Variants in STT3A observed in about 807,000 individuals in gnomAD.
STT3A encodes the protein dolichyl-diphosphooligosaccharide--protein glycosyltransferase subunit STT3A.
A neutral mutation model predicts 89.2 loss-of-function variants in STT3A; 34 were observed. The observed-to-expected ratio is 0.38, with a 90% CI of 0.29 to 0.51. The LOEUF (loss-of-function observed/expected upper bound fraction) is 0.51. Among genes scored for constraint, STT3A ranks in the 20% least tolerant of loss-of-function variants. The pLI is 0.89. For synonymous variants in STT3A, 282 were observed against 310.3 expected (o/e 0.91, Z 0.96); for missense variants, 555 against 889.5 (o/e 0.62, Z 4.78).
At chr11:125,609,785 G>A in intron 10 of STT3A, 196 bp downstream of exon 10, 1 of 488,236 alleles carries the variant, frequency 2.0e-6, no homozygotes, top group Non-Finnish European at 3.5e-6. Flanking sequence ...ATATTGGCAA[G>A]TTCAGCCTCA....
Position 125,621,677 on chromosome 11 carries a change from C to T in STT3A, c.*867C>T, listed in dbSNP as rs968720187. On this transcript the variant is annotated 3_prime_UTR_variant, in exon 18 of 18. Transcript: ENST00000392708. The stretch of plus-strand genomic sequence containing the variant: ...GAGCTTCTTTTTCCCTTAGTCTTAG[C>T]CTATGTGTTGCTGTTGTATATTGTT... The T allele has an allele frequency of 2.6e-5, 4 of 152,088 alleles. No homozygotes were observed. The highest frequency in any genetic ancestry group is 7.2e-5 in the African/African-American group (3 of 41,386). 9.4% of individuals were successfully genotyped at this position (152,088 alleles called of 1,614,324 possible).
chr11:125,617,771 C>T (rs12287246), intron 15 of STT3A, among the ~76,000 whole-genome samples: 17,145 of 152,126 alleles, frequency 0.11, 1,476 homozygotes, highest in African/African-American at 0.24. Context: ...TTAGATCAGT[C>T]GTGCCCACTG....
At chr11:125,611,328 T>A in intron 10 of STT3A, 100 bp from the exon 11 acceptor site, 1 of 874,022 alleles carries the variant, frequency 1.1e-6, no homozygotes, top group Non-Finnish European at 1.8e-6. Flanking sequence ...ATTGCTGGGT[T>A]AAATGTGTGG....
In STT3A at chr11:125,618,483, G is replaced by A. The variant is rs766824760; in HGVS notation, c.1885G>A (p.Glu629Lys). ...AACTGGGGAGTTCCGTGTGGACCGT[G>A]AAGGTTCTCCAGTGCTGCTCAACTG... ...TPTGEFRVDR[E>K]GSPVLLNCLM... is the part of the protein sequence containing the mutation. The change falls in exon 16 of 18, where the codon GAA becomes AAA. Residue 629 changes from glutamate to lysine, a missense_variant. By Grantham distance (56) the Glu-to-Lys change is moderately conservative. Transcript: ENST00000392708. 2.5e-6 allele frequency: 4 copies of A among 1,614,062 alleles called. No homozygotes were observed. Among genetic ancestry groups the A allele is most frequent in the Non-Finnish European group, 3.4e-6 (4 of 1,180,034 alleles).
Position 125,620,070 on chromosome 11 carries a change from C to T in STT3A, c.2023C>T (p.Leu675Phe). Reference protein sequence around the residue: ...NAEIGNKDFELDVLEEAYTTE... With the variant: ...NAEIGNKDFEFDVLEEAYTTE... ...TGAGATTGGGAATAAAGACTTTGAG[C>T]TTGATGTCCTGGAGGAAGCATATAC... The change falls in exon 17 of 18, where the codon CTT becomes TTT. Residue 675 changes from leucine (L) to phenylalanine (F), a missense_variant. Leu to Phe is a conservative substitution (Grantham distance 22). This residue lies in a region of STT3A where 273 missense variants were observed against 449.8 expected (regional missense o/e 0.61). Coordinates refer to ENST00000392708, the MANE Select transcript of STT3A (RefSeq NM_152713.5). 1 of 1,614,144 alleles carries T rather than the reference C, an allele frequency of 6.2e-7. No homozygotes were observed. The highest frequency in any genetic ancestry group is 8.5e-7 in the Non-Finnish European group (1 of 1,180,030).
At chr11:125,595,297 T>C (rs926117834) in intron 1 of STT3A, among the ~76,000 whole-genome samples, 4 of 151,970 alleles carry the variant, frequency 2.6e-5, no homozygotes, top group Non-Finnish European at 4.4e-5. Flanking sequence ...GGACTGCAGG[T>C]GCAGACCACC....
chr11:125,608,292 A>G lies in STT3A; in HGVS notation c.961+3A>G, dbSNP rs1419995783. 6.3e-7 allele frequency: 1 copy of G among 1,585,934 alleles called. No individual in the cohort carries two copies. Among genetic ancestry groups the G allele is most frequent in the Non-Finnish European group, 8.5e-7 (1 of 1,171,314 alleles). On this transcript the variant is annotated splice_donor_region_variant and intron_variant, in intron 9 of 17. Coordinates refer to ENST00000392708, the MANE Select transcript of STT3A (RefSeq NM_152713.5). ...GGGAGCTCTCCTCATGCTGACAGGT[A>G]GGGAAGGCTCACAGCTTTTTTCCTT...
rs1221228450 is a variant in STT3A at position 125,612,760 on chromosome 11, G to A, written c.1365+13G>A. Reference sequence around the variant, plus strand: ...TATTAAGAATGAAGTGAGAAGCAATGTTAAGAGTAGACTTGGGAAACTCTG... The same window carrying A: ...TATTAAGAATGAAGTGAGAAGCAATATTAAGAGTAGACTTGGGAAACTCTG... On this transcript the variant is annotated intron_variant, in intron 12 of 17. Transcript: ENST00000392708. The A allele has an allele frequency of 6.2e-7, 1 of 1,612,460 alleles. No individual in the cohort carries two copies. Among genetic ancestry groups the A allele is most frequent in the African/African-American group, 1.3e-5 (1 of 74,858 alleles).
In STT3A at chr11:125,603,869, A is replaced by G. The variant is rs7114455; in HGVS notation, c.418-288A>G. 0.11 allele frequency among the ~76,000 whole-genome samples: 16,108 copies of G among 152,188 alleles called. 1,239 individuals carry two copies. The highest frequency in any genetic ancestry group is 0.22 in the African/African-American group (9,088 of 41,498). ...ACGAGCTTGGGGAGATTGGTAGCCA[A>G]ACAGCCCATTCTGGGACAGTATTGA... On this transcript the variant is annotated intron_variant, in intron 5 of 17. Coordinates refer to ENST00000392708, the MANE Select transcript of STT3A (RefSeq NM_152713.5).
Position 125,621,855 on chromosome 11 carries a change from A to G in STT3A, c.*1045A>G, listed in dbSNP as rs1940358205. Reference sequence around the variant, plus strand: ...TTAAAAAGTTTTAAGCCTGGGCAACATAAGGAGATTGTTTCTATGAAAAAT... The same window carrying G: ...TTAAAAAGTTTTAAGCCTGGGCAACGTAAGGAGATTGTTTCTATGAAAAAT... On this transcript the variant is annotated 3_prime_UTR_variant, in exon 18 of 18. Transcript: ENST00000392708. The G allele has an allele frequency of 6.6e-6, 1 of 152,236 alleles. No individual in the cohort carries two copies. Among genetic ancestry groups the G allele is most frequent in the African/African-American group, 2.4e-5 (1 of 41,450 alleles). 9.4% of individuals were successfully genotyped at this position (152,236 alleles called of 1,614,324 possible). A position where few individuals can be genotyped will look rare whatever the true frequency, so the allele number is the denominator to read the frequency against.
chr11:125,607,778 G>A (rs1939882271), intron 8 of STT3A, among the ~76,000 whole-genome samples: 1 of 152,202 alleles, frequency 6.6e-6, no homozygotes, highest in South Asian at 2.1e-4. Flanking sequence ...TTGGCAGATT[G>A]GGAAGAGATG....
At chr11:125,619,891 CAACA>C (rs1184650884) in intron 16 of STT3A, 116 bp from the exon 17 acceptor site, 1 of 854,452 alleles carries the variant, frequency 1.2e-6, no homozygotes, top group Non-Finnish European at 1.8e-6. Context: ...GCTCTACTCT[CAACA>C]AATTGCAGGC....
intron 2 of STT3A, among the ~76,000 whole-genome samples, 176 bp from the exon 3 acceptor site, chr11:125,596,883 A>C (rs1284996518): frequency 1.3e-5 from 2 of 152,222 alleles, no homozygotes; most frequent in East Asian, 3.8e-4. Context: ...GTCAGGGGAA[A>C]GTAAACTTCT....
rs754494187 is a variant in STT3A, at chr11:125,608,272, C to T, written c.944C>T (p.Ala315Val). 6.2e-7 allele frequency: 1 copy of T among 1,610,776 alleles called. No homozygotes were observed. The highest frequency in any genetic ancestry group is 2.2e-5 in the East Asian group (1 of 44,842). Residue 315 changes from alanine (A) to valine (V), a missense_variant, in exon 9 of 18, where the codon GCT becomes GTT. Coordinates refer to ENST00000392708, the MANE Select transcript of STT3A (RefSeq NM_152713.5). ...LVGFVLLTVGALLMLTGKISP... is the reference protein window; with the variant it reads ...LVGFVLLTVGVLLMLTGKISP... The stretch of plus-strand genomic sequence containing the variant: ...GGCTTTGTCCTTCTCACCGTGGGAG[C>T]TCTCCTCATGCTGACAGGTAGGGAA...
intron 8 of STT3A, among the ~76,000 whole-genome samples, chr11:125,606,778 C>T (rs1939853424): frequency 6.6e-6 from 1 of 152,154 alleles, no homozygotes; most frequent in Non-Finnish European, 1.5e-5. Context: ...CTTCTTAATG[C>T]AGATGACCCC....
At chr11:125,605,315 AGAACTATACTAGCAG>A (rs1052723137) in intron 6 of STT3A, among the ~76,000 whole-genome samples, 4 of 152,196 alleles carry the variant, frequency 2.6e-5, no homozygotes, top group Non-Finnish European at 4.4e-5. Flanking sequence ...AGATGTCTTT[AGAACTATACTAGCAG>A]GATGTTTAGT....
At chr11:125,608,078 A>T (rs1200612937) in intron 8 of STT3A, 31 bp from the exon 9 acceptor site, 17 of 1,540,678 alleles carry the variant, frequency 1.1e-5, no homozygotes, top group Admixed American at 1.1e-4. Flanking sequence ...TTTTTTCCTT[A>T]GTATTAACAT....
chr11:125,608,338 G>A (rs1283993988), intron 9 of STT3A, 49 bp downstream of exon 9: 1 of 1,534,554 alleles, frequency 6.5e-7, no homozygotes, highest in Non-Finnish European at 8.7e-7. Context: ...TTTTAAGATG[G>A]AGTTTCGCTC....
intron 8 of STT3A, among the ~76,000 whole-genome samples, chr11:125,606,868 A>G (rs557716905): frequency 6.6e-6 from 1 of 152,322 alleles, no homozygotes; most frequent in Admixed American, 6.5e-5. Flanking sequence ...CTTTAACCAC[A>G]TTGCTCCACA....
Sources: allele counts gnomAD v4.1 joint callset (sites outside exome capture counted in the v4.1 genomes callset), GRCh38; gene constraint gnomAD v4.1.1; regional missense constraint gnomAD v4.1.1; transcripts MANE v1.5; gene names NCBI Gene and HGNC (gene_info 2026-07-23, HGNC 2026-07-21).